The following ARHGAP26 variants were observed in gnomAD, a reference collection of about 807,000 sequenced individuals.
ARHGAP26 encodes Rho GTPase activating protein 26.
In ARHGAP26, 38 loss-of-function variants were observed where a neutral mutation model predicts 104.8. That is an observed-to-expected ratio of 0.36 (90% CI 0.28 to 0.48). The LOEUF (loss-of-function observed/expected upper bound fraction) is 0.48, where lower values mean the gene tolerates loss of function less well. ARHGAP26 is among the 20% of genes least tolerant of loss of function. ARHGAP26 has a pLI of 0.99. For synonymous variants in ARHGAP26, 341 were observed against 340.0 expected (o/e 1.00, Z -0.03); for missense variants, 704 against 947.9 (o/e 0.74, Z 3.38).
intron 6 of ARHGAP26, among the ~76,000 whole-genome samples, chr5:142,895,234 C>CT (rs1339893320): frequency 1.2e-4 from 18 of 150,072 alleles, no homozygotes; most frequent in Admixed American, 8.0e-4. Context: ...TTTCTTTTTT[C>CT]TTTTTTTTTT....
chr5:142,831,668 T>G (rs1460936665), intron 1 of ARHGAP26, among the ~76,000 whole-genome samples: 1 of 151,374 alleles, frequency 6.6e-6, no homozygotes, highest in East Asian at 1.9e-4. Context: ...CTCCTCCCTC[T>G]CCCAACCTGC....
intron 20 of ARHGAP26, chr5:143,203,440 G>A (rs1808086589): frequency 6.6e-6 from 1 of 152,232 alleles, no homozygotes; most frequent in African/African-American, 2.4e-5. Context: ...TGGAGAGGAT[G>A]TGGAGAAACA....
At chr5:143,130,169 C>T (rs1797161523) in intron 18 of ARHGAP26, among the ~76,000 whole-genome samples, 1 of 152,208 alleles carries the variant, frequency 6.6e-6, no homozygotes, top group Admixed American at 6.5e-5. Flanking sequence ...CCATCCCTGA[C>T]CACTGTGACT....
intron 12 of ARHGAP26, 40 bp from the exon 13 acceptor site, chr5:143,037,156 C>A: frequency 6.4e-7 from 1 of 1,559,168 alleles, no homozygotes; most frequent in South Asian, 1.1e-5. Flanking sequence ...GGTTGATTTC[C>A]ATGGCTAGCA....
chr5:142,934,812 G>C (rs1237325345), intron 11 of ARHGAP26, among the ~76,000 whole-genome samples: 1 of 135,688 alleles, frequency 7.4e-6, no homozygotes, highest in Non-Finnish European at 1.6e-5. Flanking sequence ...TGTTCTTTTT[G>C]TTCTTTCATT....
At chr5:143,176,612 AG>A (rs1236535787) in intron 20 of ARHGAP26, among the ~76,000 whole-genome samples, 2 of 152,204 alleles carry the variant, frequency 1.3e-5, no homozygotes, top group African/African-American at 4.8e-5. Flanking sequence ...CCTTCGCCCC[AG>A]GGTAGCTTAG....
intron 17 of ARHGAP26, among the ~76,000 whole-genome samples, chr5:143,080,575 A>G (rs1789654240): frequency 2.0e-5 from 3 of 152,222 alleles, no homozygotes; most frequent in Non-Finnish European, 4.4e-5. Flanking sequence ...AGCAAGTGCA[A>G]AAACCCTGGG....
intron 1 of ARHGAP26, among the ~76,000 whole-genome samples, chr5:142,859,273 T>C (rs1005713960): frequency 2.6e-5 from 4 of 152,000 alleles, no homozygotes; most frequent in African/African-American, 9.7e-5. Context: ...AGGGTACCAG[T>C]TGGAGGAGAG....
At chr5:143,161,848 G>A (rs566543968) in intron 20 of ARHGAP26, among the ~76,000 whole-genome samples, 27 of 152,140 alleles carry the variant, frequency 1.8e-4, no homozygotes, top group Non-Finnish European at 3.1e-4. Flanking sequence ...ATCATTCTGG[G>A]TTTCGAGCAA....
In ARHGAP26 at chr5:143,140,354, C is replaced by CT. The variant is rs1251550096; in HGVS notation, c.1837+6250dup. ...AGACTGAGATGTTTTAATGTCATCT[C>CT]TATCACCTACCACTCTGAGACCTGG... On this transcript the variant is annotated intron_variant, in intron 19 of 22. Coordinates refer to ENST00000645722, the MANE Select transcript of ARHGAP26 (RefSeq NM_001135608.3). Among the ~76,000 whole-genome samples the CT allele has an allele frequency of 2.0e-5, 3 of 152,308 alleles. No individual in the cohort carries two copies. The East Asian group carries it at 5.8e-4, about 29-fold the overall frequency.
chr5:143,028,931 G>A (rs949898141), intron 12 of ARHGAP26, among the ~76,000 whole-genome samples: 2 of 152,132 alleles, frequency 1.3e-5, no homozygotes, highest in African/African-American at 4.8e-5. Flanking sequence ...AATTGGCTGT[G>A]GGTAACCTCC....
intron 12 of ARHGAP26, 54 bp from the exon 13 acceptor site, chr5:143,037,142 C>T: frequency 2.0e-6 from 3 of 1,496,990 alleles, no homozygotes; most frequent in Non-Finnish European, 1.8e-6. Flanking sequence ...AAGCCCTATC[C>T]TGAGGTTGAT....
At chr5:143,039,387 T>C (rs1598752678) in intron 13 of ARHGAP26, among the ~76,000 whole-genome samples, 1 of 152,050 alleles carries the variant, frequency 6.6e-6, no homozygotes, top group South Asian at 2.1e-4. Flanking sequence ...TTTGTACTTT[T>C]AGTAGAGATG....
intron 1 of ARHGAP26, among the ~76,000 whole-genome samples, chr5:142,849,530 C>T (rs1186332741): frequency 2.0e-5 from 3 of 152,310 alleles, no homozygotes; most frequent in East Asian, 1.9e-4. Flanking sequence ...CCCTTCTGAA[C>T]GTCCCTTCCT....
intron 1 of ARHGAP26, among the ~76,000 whole-genome samples, chr5:142,845,831 A>C (rs1038327129): frequency 6.6e-6 from 1 of 152,136 alleles, no homozygotes; most frequent in African/African-American, 2.4e-5. Context: ...GTCCCCACAG[A>C]GACCTGCCTC....
At chr5:142,840,357 AT>A (rs1770512353) in intron 1 of ARHGAP26, among the ~76,000 whole-genome samples, 1 of 152,122 alleles carries the variant, frequency 6.6e-6, no homozygotes, top group South Asian at 2.1e-4. Flanking sequence ...TACATTGGTT[AT>A]TTTTTTCTTT....
chr5:142,946,227 T>G (rs1767077370), intron 11 of ARHGAP26, among the ~76,000 whole-genome samples: 1 of 152,242 alleles, frequency 6.6e-6, no homozygotes, highest in African/African-American at 2.4e-5. Context: ...CATTGTATCT[T>G]CTACCCTATC....
chr5:143,089,930 A>G (rs1791157286), intron 17 of ARHGAP26, among the ~76,000 whole-genome samples: 2 of 152,216 alleles, frequency 1.3e-5, no homozygotes, highest in African/African-American at 4.8e-5. Flanking sequence ...CAATTGGACT[A>G]AAGCATAAGT....
intron 1 of ARHGAP26, among the ~76,000 whole-genome samples, chr5:142,823,279 AG>A (rs1766562242): frequency 6.6e-6 from 1 of 152,232 alleles, no homozygotes; most frequent in Non-Finnish European, 1.5e-5. Flanking sequence ...GATAGGAAGC[AG>A]CAAGCCATGG....
Sources: allele counts gnomAD v4.1 joint callset (sites outside exome capture counted in the v4.1 genomes callset), GRCh38; gene constraint gnomAD v4.1.1; transcripts MANE v1.5; gene names NCBI Gene and HGNC (gene_info 2026-07-23, HGNC 2026-07-21).